The following ALKBH7 variants were observed in gnomAD, a reference collection of about 807,000 sequenced individuals.
ALKBH7 encodes the protein alkB homolog 7, RNA demethylase, also known as RNA demethylase ALKBH7, mitochondrial.
Under a neutral mutation model 19.3 loss-of-function variants are expected in ALKBH7, and 21 were observed. The observed-to-expected ratio is 1.09, with a 90% CI of 0.77 to 1.56. The LOEUF (loss-of-function observed/expected upper bound fraction) is 1.56. Among genes scored for constraint, ALKBH7 ranks in the 40% most tolerant of loss-of-function variants. The pLI, the probability that ALKBH7 is intolerant of heterozygous loss-of-function variation, is 0.00. For synonymous variants in ALKBH7, 147 were observed against 139.5 expected, an observed-to-expected ratio of 1.05 and a Z score of -0.38; for missense variants, 354 against 311.4, an observed-to-expected ratio of 1.14 and a Z score of -1.03.
Position 6,373,721 on chromosome 19 carries a change from G to A in ALKBH7, c.205-482G>A, listed in dbSNP as rs2091905021. The A allele has an allele frequency of 8.7e-6, 11 of 1,261,020 alleles. No homozygotes were observed. In the East Asian group the frequency reaches 2.8e-4, roughly 32 times the overall value. The allele number at this position is 1,261,020 out of a possible 1,614,324, so 78.1% of individuals were successfully genotyped here. On this transcript the variant is annotated intron_variant, in intron 1 of 3. Coordinates refer to ENST00000245812, the MANE Select transcript of ALKBH7 (RefSeq NM_032306.4). ...AGATAGGGGAGACACATGCTGGGAT[G>A]GGGCAGGGCCTTTTTGGGGTCGGTA...
chr19:6,373,573 G>A, intron 1 of ALKBH7: 1 of 1,139,786 alleles, frequency 8.8e-7, no homozygotes, highest in Non-Finnish European at 1.1e-6. Flanking sequence ...CGAGCGCATG[G>A]ATGGGGCGGG....
rs2091914259 is a variant in ALKBH7 at position 6,374,942 on chromosome 19, G to T, written c.635G>T (p.Gly212Val). ...CRSLPEGMGP[G>V]ESGQPPPAC ...TCCCTCCCTGAGGGCATGGGGCCAGGGGAGTCTGGACAGCCGCCCCCAGCC... is the reference window on the plus strand; with the variant it reads ...TCCCTCCCTGAGGGCATGGGGCCAGTGGAGTCTGGACAGCCGCCCCCAGCC... The change falls in exon 4 of 4, where the codon GGG becomes GTG. Residue 212 changes from glycine to valine, a missense_variant. By Grantham distance (109) the Gly-to-Val change is moderately radical. Coordinates refer to ENST00000245812, the MANE Select transcript of ALKBH7 (RefSeq NM_032306.4). 1.9e-6 allele frequency: 3 copies of T among 1,610,854 alleles called. No homozygotes were observed. The South Asian group carries it at 3.3e-5, about 18-fold the overall frequency.
In ALKBH7 at chr19:6,375,019, A is replaced by G; in HGVS notation, c.*46A>G. ...CCAGATTTGTGAATAAAGTTGGGGAATGGACAGCCTAACTGGGACATTGCA... is the reference window on the plus strand; with the variant it reads ...CCAGATTTGTGAATAAAGTTGGGGAGTGGACAGCCTAACTGGGACATTGCA... On this transcript the variant is annotated 3_prime_UTR_variant, in exon 4 of 4. Coordinates refer to ENST00000245812, the MANE Select transcript of ALKBH7 (RefSeq NM_032306.4). 1 of 1,542,068 alleles carries G rather than the reference A, an allele frequency of 6.5e-7. No individual in the cohort carries two copies. The highest frequency in any genetic ancestry group is 8.7e-7 in the Non-Finnish European group (1 of 1,145,510).
intron 1 of ALKBH7, 60 bp downstream of exon 1, chr19:6,373,084 C>T: frequency 8.0e-6 from 12 of 1,507,710 alleles, no homozygotes; most frequent in East Asian, 2.5e-5. Flanking sequence ...GGCCTGGGGA[C>T]GTGGAGCATC....
chr19:6,373,304 G>T (rs1003118043), intron 1 of ALKBH7, among the ~76,000 whole-genome samples: 1 of 119,660 alleles, frequency 8.4e-6, no homozygotes, highest in African/African-American at 3.1e-5. Context: ...GGACAAAGGA[G>T]ACAGCGCAGG....
In ALKBH7 at chr19:6,374,750, G is replaced by C. The variant is rs2145063668; in HGVS notation, c.504-61G>C. 3.1e-6 allele frequency: 5 copies of C among 1,596,214 alleles called. 1 individual carries two copies. The South Asian group carries it at 3.4e-5, about 11-fold the overall frequency. The stretch of plus-strand genomic sequence containing the variant: ...CTGGAATCCAGGAGGCTGGAATCCA[G>C]GTCTGCCTGGAGCAGGGGCTGCCCT... On this transcript the variant is annotated intron_variant, in intron 3 of 3. Coordinates refer to ENST00000245812, the MANE Select transcript of ALKBH7 (RefSeq NM_032306.4).
intron 1 of ALKBH7, chr19:6,373,485 G>A (rs1258387454): frequency 5.6e-6 from 3 of 540,490 alleles, no homozygotes; most frequent in African/African-American, 2.0e-5. Context: ...TCGGGTGTAG[G>A]GTTGGGGTGC....
In ALKBH7 at chr19:6,375,237, A is replaced by T; in HGVS notation, c.*264A>T. On this transcript the variant is annotated 3_prime_UTR_variant, in exon 4 of 4. Coordinates refer to ENST00000245812, the MANE Select transcript of ALKBH7 (RefSeq NM_032306.4). ...TGTCTCTGCATCCAGGTCTCCAATA[A>T]ATAAGTCAGCCGAGCTCCCCCAGCA... The T allele has an allele frequency of 7.2e-7, 1 of 1,389,204 alleles. No individual in the cohort carries two copies. Among genetic ancestry groups the T allele is most frequent in the East Asian group, 2.8e-5 (1 of 35,400 alleles). 86.1% of individuals were successfully genotyped at this position (1,389,204 alleles called of 1,614,324 possible).
Position 6,374,539 on chromosome 19 carries a change from G to T in ALKBH7, c.453G>T (p.Pro151=). 1.2e-6 allele frequency: 2 copies of T among 1,613,936 alleles called. No individual in the cohort carries two copies. The highest frequency in any genetic ancestry group is 1.3e-5 in the African/African-American group (1 of 75,018). The change falls in exon 3 of 4, where the codon CCG becomes CCT. Residue 151 remains proline (P), a synonymous_variant. Transcript: ENST00000245812. The part of the protein sequence containing the change: ...SVMRLVHTQE[P]GEWLELLLEP... ...TGCGGCTGGTGCACACCCAGGAGCC[G>T]GGGGAGTGGCTGGAACTCTTGCTGG...
In ALKBH7 at chr19:6,374,307, G is replaced by T; in HGVS notation, c.309G>T (p.Leu103=). 1 of 1,613,050 alleles carries T rather than the reference G, an allele frequency of 6.2e-7. No individual in the cohort carries two copies. The highest frequency in any genetic ancestry group is 8.5e-7 in the Non-Finnish European group (1 of 1,179,768). ...QAAAFGPGQT[L]LSSVHVLDLE... is the part of the protein sequence containing the mutation. ...CCGCCTTTGGCCCCGGCCAGACCCT[G>T]CTCTCCTCCGTGCACGTGCTGGACC... The change falls in exon 2 of 4, where the codon CTG becomes CTT. Residue 103 remains leucine, a synonymous_variant. Transcript: ENST00000245812.
Position 6,375,195 on chromosome 19 carries a change from C to T in ALKBH7, c.*222C>T. 1 of 1,341,338 alleles carries T rather than the reference C, an allele frequency of 7.5e-7. No homozygotes were observed. Among genetic ancestry groups the T allele is most frequent in the Non-Finnish European group, 9.7e-7 (1 of 1,032,022 alleles). 83.1% of individuals were successfully genotyped at this position (1,341,338 alleles called of 1,614,324 possible). ...TTGCACTCACTGCTGGTCGCCCCAG[C>T]CCACTCCCCTCCTCGTTGTCTCTGC... On this transcript the variant is annotated 3_prime_UTR_variant, in exon 4 of 4. Coordinates refer to ENST00000245812, the MANE Select transcript of ALKBH7 (RefSeq NM_032306.4).
At chr19:6,373,503 C>T (rs1329369368) in intron 1 of ALKBH7, 4 of 596,328 alleles carry the variant, frequency 6.7e-6, no homozygotes, top group Non-Finnish European at 9.9e-6. Context: ...TGCGATTACG[C>T]TGCTAGCAGT....
In ALKBH7 at chr19:6,374,877, C is replaced by T. The variant is rs1009879215; in HGVS notation, c.570C>T (p.Arg190=). 6.2e-7 allele frequency: 1 copy of T among 1,613,998 alleles called. No individual in the cohort carries two copies. Among genetic ancestry groups the T allele is most frequent in the Admixed American group, 1.7e-5 (1 of 60,000 alleles). The change falls in exon 4 of 4, where the codon CGC becomes CGT. Residue 190 remains arginine, a synonymous_variant. Coordinates refer to ENST00000245812, the MANE Select transcript of ALKBH7 (RefSeq NM_032306.4). ...ATGAAGAGTCCTTCTTTGGGGAACG[C>T]CGGATTCCCCGGGGCCGGCGCATCT... The part of the protein sequence containing the change: ...LRDEESFFGE[R]RIPRGRRISV...
intron 1 of ALKBH7, 173 bp from the exon 2 acceptor site, chr19:6,374,030 G>A (rs948356249): frequency 1.0e-4 from 103 of 985,082 alleles, no homozygotes; most frequent in Non-Finnish European, 1.2e-4. Flanking sequence ...GAGTACTAAG[G>A]ACTGAGGTCA....
chr19:6,374,139 C>G, intron 1 of ALKBH7, 64 bp from the exon 2 acceptor site: 1 of 1,587,790 alleles, frequency 6.3e-7, no homozygotes, highest in Non-Finnish European at 8.5e-7. Flanking sequence ...TTTTCTGCCC[C>G]TCCTTGCCTC....
In ALKBH7 at chr19:6,372,942, G is replaced by C. The variant is rs2091898107; in HGVS notation, c.122G>C (p.Ser41Thr). The C allele has an allele frequency of 3.2e-6, 5 of 1,570,638 alleles. No homozygotes were observed. The highest frequency in any genetic ancestry group is 4.3e-6 in the Non-Finnish European group (5 of 1,160,882). Reference protein sequence around the residue: ...DAAVVRPGFLSTAEEETLSRE... With the variant: ...DAAVVRPGFLTTAEEETLSRE... ...GCCGTGGTGCGGCCTGGCTTCCTGA[G>C]CACGGCAGAGGAGGAGACGCTGAGC... Residue 41 changes from serine (S) to threonine (T), a missense_variant, in exon 1 of 4, where the codon AGC (serine) becomes ACC (threonine). Ser to Thr is a moderately conservative substitution (Grantham distance 58). Transcript: ENST00000245812.
rs1229081726 is a variant in ALKBH7 at position 6,375,204 on chromosome 19, C to G, written c.*231C>G. 11 of 1,355,278 alleles carry G rather than the reference C, an allele frequency of 8.1e-6. No homozygotes were observed. In the East Asian group the frequency reaches 3.1e-4, roughly 38 times the overall value. The allele number at this position is 1,355,278 out of a possible 1,614,324, so 84.0% of individuals were successfully genotyped here. ...CTGCTGGTCGCCCCAGCCCACTCCC[C>G]TCCTCGTTGTCTCTGCATCCAGGTC... On this transcript the variant is annotated 3_prime_UTR_variant, in exon 4 of 4. Coordinates refer to ENST00000245812, the MANE Select transcript of ALKBH7 (RefSeq NM_032306.4).
chr19:6,374,179 G>C (rs1568325753), intron 1 of ALKBH7, 24 bp from the exon 2 acceptor site: 1 of 1,604,674 alleles, frequency 6.2e-7, no homozygotes, highest in Non-Finnish European at 8.5e-7. Context: ...GGAGCTCCCA[G>C]GCTTAACCGA....
chr19:6,373,148 G>C, intron 1 of ALKBH7, 124 bp downstream of exon 1: 2 of 1,317,420 alleles, frequency 1.5e-6, no homozygotes, highest in Non-Finnish European at 2.0e-6. Flanking sequence ...TTTGGAGCGG[G>C]GACAGAGGAG....
Sources: allele counts gnomAD v4.1 joint callset (sites outside exome capture counted in the v4.1 genomes callset), GRCh38; gene constraint gnomAD v4.1.1; transcripts MANE v1.5; gene names NCBI Gene and HGNC (gene_info 2026-07-23, HGNC 2026-07-21).